The following MTMR7 variants were observed in gnomAD, a reference collection of about 807,000 sequenced individuals.
The protein encoded by MTMR7 is phosphatidylinositol-3-phosphate phosphatase MTMR7.
MTMR7 carries 76 observed loss-of-function variants against 81.2 expected under a neutral mutation model. The ratio of observed to expected loss-of-function variants is 0.94; its 90% CI spans 0.78 to 1.13. The LOEUF is 1.13. MTMR7 is among the 50% of genes most tolerant of loss of function. The pLI is 0.00. For synonymous variants in MTMR7, 372 were observed against 289.8 expected, an observed-to-expected ratio of 1.28 and a Z score of -2.88; for missense variants, 1,044 against 820.0, an observed-to-expected ratio of 1.27 and a Z score of -3.34.
intron 1 of MTMR7, among the ~76,000 whole-genome samples, chr8:17,400,639 G>C (rs920052759): frequency 6.6e-6 from 1 of 152,072 alleles, no homozygotes; most frequent in Non-Finnish European, 1.5e-5. Context: ...GTACTGTTTT[G>C]ATTTAGACCG....
chr8:17,402,915 C>T (rs1381083729), intron 1 of MTMR7, among the ~76,000 whole-genome samples: 6 of 152,292 alleles, frequency 3.9e-5, no homozygotes, highest in African/African-American at 1.2e-4. Flanking sequence ...TTTGTTATTG[C>T]CTGTCTTCTG....
chr8:17,390,746 AGCAGGAGAGAG>A (rs1477833979), intron 1 of MTMR7, among the ~76,000 whole-genome samples: 6 of 152,188 alleles, frequency 3.9e-5, no homozygotes. Context: ...TTCACAAGGG[AGCAGGAGAGAG>A]AAGTACAGAA....
chr8:17,313,562 A>G (rs1288680016), intron 7 of MTMR7, among the ~76,000 whole-genome samples, 161 bp from the exon 8 acceptor site: 1 of 152,194 alleles, frequency 6.6e-6, no homozygotes, highest in Admixed American at 6.5e-5. Context: ...ACTAAACTTG[A>G]TTCTATGGAA....
chr8:17,352,774 G>A (rs985071532), intron 4 of MTMR7, among the ~76,000 whole-genome samples: 4 of 152,080 alleles, frequency 2.6e-5, no homozygotes, highest in Non-Finnish European at 5.9e-5. Flanking sequence ...ATTACAAAAT[G>A]AAAGAATGAA....
chr8:17,411,919 T>C (rs1029995193), intron 1 of MTMR7, among the ~76,000 whole-genome samples: 2 of 152,224 alleles, frequency 1.3e-5, no homozygotes, highest in African/African-American at 4.8e-5. Context: ...CCCTTCATCA[T>C]GGAAGGAGGA....
At chr8:17,322,227 C>G (rs1482816647) in intron 7 of MTMR7, among the ~76,000 whole-genome samples, 2 of 152,228 alleles carry the variant, frequency 1.3e-5, no homozygotes, top group African/African-American at 4.8e-5. Flanking sequence ...TAATGTCCCT[C>G]CACTGAACAT....
intron 1 of MTMR7, 114 bp from the exon 2 acceptor site, chr8:17,373,354 C>T: frequency 2.3e-6 from 3 of 1,308,622 alleles, no homozygotes; most frequent in Admixed American, 2.8e-5. Context: ...TTTGAGAATT[C>T]CCCCAATAAT....
At chr8:17,347,211 A>C (rs1819581861) in intron 5 of MTMR7, among the ~76,000 whole-genome samples, 1 of 152,008 alleles carries the variant, frequency 6.6e-6, no homozygotes, top group South Asian at 2.1e-4. Flanking sequence ...AAAAAAAAAA[A>C]ATCACATCTT....
chr8:17,306,560 T>C (rs1349628890), intron 10 of MTMR7, among the ~76,000 whole-genome samples: 2 of 152,182 alleles, frequency 1.3e-5, no homozygotes, highest in Non-Finnish European at 2.9e-5. Flanking sequence ...TTCCTCAAAT[T>C]TGTATTGATT....
chr8:17,304,563 T>G, intron 11 of MTMR7, 44 bp from the exon 12 acceptor site: 1 of 1,584,414 alleles, frequency 6.3e-7, no homozygotes, highest in South Asian at 1.1e-5. Flanking sequence ...ATTTTGGTGC[T>G]TACACACAGT....
intron 3 of MTMR7, among the ~76,000 whole-genome samples, chr8:17,366,280 G>T (rs574444222): frequency 2.0e-5 from 3 of 152,242 alleles, no homozygotes; most frequent in African/African-American, 7.2e-5. Flanking sequence ...AACCTAGCTT[G>T]TTCCCTAGGT....
At chr8:17,301,092 G>GTT (rs1488041949) in intron 13 of MTMR7, among the ~76,000 whole-genome samples, 1 of 152,210 alleles carries the variant, frequency 6.6e-6, no homozygotes, top group Non-Finnish European at 1.5e-5. Flanking sequence ...CACAGGAGGT[G>GTT]TTATAAGATC....
chr8:17,327,050 A>T (rs147589624), intron 7 of MTMR7, among the ~76,000 whole-genome samples: 68 of 152,336 alleles, frequency 4.5e-4, no homozygotes, highest in African/African-American at 1.6e-3. Flanking sequence ...AGTGAATAAG[A>T]ATATGCAAGC....
intron 1 of MTMR7, among the ~76,000 whole-genome samples, chr8:17,383,583 AG>A (rs1450223428): frequency 5.3e-5 from 8 of 152,364 alleles, no homozygotes; most frequent in Middle Eastern, 3.4e-3. Context: ...TTGCAAATGA[AG>A]GAAAAACATC....
intron 11 of MTMR7, among the ~76,000 whole-genome samples, chr8:17,305,501 G>A (rs17124341): frequency 0.027 from 4,080 of 152,050 alleles, 187 homozygotes; most frequent in African/African-American, 0.093. Context: ...ATTCCCTTTC[G>A]ATATTCATGC....
intron 1 of MTMR7, among the ~76,000 whole-genome samples, chr8:17,394,330 G>A (rs924701486): frequency 6.6e-6 from 1 of 152,092 alleles, no homozygotes; most frequent in African/African-American, 2.4e-5. Flanking sequence ...ACAAATGTGG[G>A]GTATATCCAT....
chr8:17,378,113 T>G (rs1358545066), intron 1 of MTMR7, among the ~76,000 whole-genome samples: 2 of 152,138 alleles, frequency 1.3e-5, no homozygotes, highest in African/African-American at 4.8e-5. Flanking sequence ...ATGGGATTTT[T>G]CCATGTCTTT....
At position 17,299,681 on chromosome 8, in the gene MTMR7, C is replaced by CG. The variant is rs1816971006; in HGVS notation, c.*180_*181insC. 1 of 739,156 alleles carries CG rather than the reference C, an allele frequency of 1.4e-6. No homozygotes were observed. The highest frequency in any genetic ancestry group is 1.8e-5 in the African/African-American group (1 of 56,318). 45.8% of individuals were successfully genotyped at this position (739,156 alleles called of 1,614,324 possible). A position where few individuals can be genotyped will look rare whatever the true frequency, so the allele number is the denominator to read the frequency against. ...TCCTTATATTTGATAAATGAAATGA[C>CG]TACGTCCTCTTCAGTATCTAAGAAA... On this transcript the variant is annotated 3_prime_UTR_variant, in exon 14 of 14. Coordinates refer to ENST00000180173, the MANE Select transcript of MTMR7 (RefSeq NM_004686.5).
chr8:17,388,221 G>A (rs913656587), intron 1 of MTMR7, among the ~76,000 whole-genome samples: 3 of 152,148 alleles, frequency 2.0e-5, no homozygotes, highest in African/African-American at 4.8e-5. Context: ...AACATGCACT[G>A]TTGAACAAGA....
Sources: allele counts gnomAD v4.1 joint callset (sites outside exome capture counted in the v4.1 genomes callset), GRCh38; gene constraint gnomAD v4.1.1; transcripts MANE v1.5; gene names NCBI Gene and HGNC (gene_info 2026-07-23, HGNC 2026-07-21).